The following WIPF1 variants were observed in gnomAD, a reference collection of about 807,000 sequenced individuals.
WIPF1 encodes the protein WAS/WASL-interacting protein family member 1.
WIPF1 carries 13 observed loss-of-function variants against 35.4 expected under a neutral mutation model. The ratio of observed to expected loss-of-function variants is 0.37; its 90% CI spans 0.24 to 0.58. WIPF1 has a LOEUF of 0.58. Among genes scored for constraint, WIPF1 ranks in the 20% least tolerant of loss-of-function variants. The pLI, the probability that WIPF1 is intolerant of heterozygous loss-of-function variation, is 0.74. For missense variants in WIPF1, 591 were observed against 667.0 expected (o/e 0.89, Z 1.25); for synonymous variants, 267 against 266.3 (o/e 1.00, Z -0.02).
At chr2:174,668,491 G>C (rs1331707414) in intron 1 of WIPF1, among the ~76,000 whole-genome samples, 1 of 152,144 alleles carries the variant, frequency 6.6e-6, no homozygotes, top group Non-Finnish European at 1.5e-5. Flanking sequence ...TCTTGATAAT[G>C]TGACACTAGT....
At chr2:174,679,370 A>C (rs1688204422) in intron 1 of WIPF1, among the ~76,000 whole-genome samples, 1 of 152,016 alleles carries the variant, frequency 6.6e-6, no homozygotes, top group African/African-American at 2.4e-5. Context: ...TGGGAGGCTG[A>C]GGCAGAAGAA....
chr2:174,627,416 T>G (rs1686875195), intron 1 of WIPF1, among the ~76,000 whole-genome samples: 1 of 151,742 alleles, frequency 6.6e-6, no homozygotes, highest in South Asian at 2.1e-4. Flanking sequence ...TTTCTTTTCT[T>G]CTTTCCTTCT....
chr2:174,644,712 G>A (rs1461433283), intron 1 of WIPF1, among the ~76,000 whole-genome samples: 3 of 152,126 alleles, frequency 2.0e-5, no homozygotes, highest in Non-Finnish European at 4.4e-5. Flanking sequence ...GTGATGTCAC[G>A]AAAAATGTAA....
intron 1 of WIPF1, among the ~76,000 whole-genome samples, chr2:174,589,703 C>G (rs977085080): frequency 1.3e-5 from 2 of 152,080 alleles, no homozygotes; most frequent in African/African-American, 2.4e-5. Context: ...TGAATGCAGG[C>G]CACAAACCAT....
At chr2:174,652,641 T>C (rs1380173896) in intron 1 of WIPF1, among the ~76,000 whole-genome samples, 2 of 152,162 alleles carry the variant, frequency 1.3e-5, no homozygotes, top group Non-Finnish European at 2.9e-5. Flanking sequence ...TTTAAATTTA[T>C]AGAGCTAACC....
chr2:174,575,273 G>T lies in WIPF1; in HGVS notation c.289C>A (p.Pro97Thr). 1 of 1,613,860 alleles carries T rather than the reference G, an allele frequency of 6.2e-7. No homozygotes were observed. Among genetic ancestry groups the T allele is most frequent in the South Asian group, 1.1e-5 (1 of 91,042 alleles). ...GGGGSFGGGG[P>T]PGLGGLFQAG... is the part of the protein sequence containing the mutation. Reference sequence around the variant, plus strand: ...TGGAACAATCCTCCCAGACCTGGAGGTCCGCCCCCTCCAAAACTTCCACCG... The same window carrying T: ...TGGAACAATCCTCCCAGACCTGGAGTTCCGCCCCCTCCAAAACTTCCACCG... The change falls in exon 4 of 8, where the codon CCT (proline) becomes ACT (threonine). Residue 97 changes from proline to threonine, a missense_variant. Pro to Thr is a conservative substitution (Grantham distance 38, BLOSUM62 -1). This residue lies in a region of WIPF1 where 471 missense variants were observed against 501.1 expected (regional missense o/e 0.94). Coordinates refer to ENST00000679041, the MANE Select transcript of WIPF1 (RefSeq NM_001375834.1).
At chr2:174,623,161 T>A (rs148178736) in intron 1 of WIPF1, among the ~76,000 whole-genome samples, 5 of 152,300 alleles carry the variant, frequency 3.3e-5, no homozygotes, top group Admixed American at 3.3e-4. Context: ...TTAAAAGATA[T>A]CTGAAATTGT....
intron 4 of WIPF1, 36 bp downstream of exon 4, chr2:174,575,168 T>C: frequency 6.3e-7 from 1 of 1,579,796 alleles, no homozygotes; most frequent in South Asian, 1.2e-5. Context: ...CTCTGCCTTG[T>C]CTTCAGTCAC....
Position 174,572,393 on chromosome 2 carries a change from C to T in WIPF1, c.412G>A (p.Ala138Thr). 1 of 1,614,140 alleles carries T rather than the reference C, an allele frequency of 6.2e-7. No individual in the cohort carries two copies. Residue 138 changes from alanine (A) to threonine (T), a missense_variant, in exon 5 of 8, where the codon GCG becomes ACG. Physicochemically the swap from Ala to Thr is moderately conservative, Grantham distance 58. Around this residue, in one of 3 missense-constraint regions of WIPF1, gnomAD observed 471 missense variants for 501.1 expected, o/e 0.94. Coordinates refer to ENST00000679041, the MANE Select transcript of WIPF1 (RefSeq NM_001375834.1). ...LLPPGGRSTS[A>T]KPFSPPSGPG... ...CCACTTGGGGGTGAAAAGGGTTTCG[C>T]AGATGTGGATCTTCCTCCCGGTGGC... is the stretch of plus-strand genomic sequence containing the variant.
At chr2:174,570,239 T>A (rs1684784671) in intron 5 of WIPF1, among the ~76,000 whole-genome samples, 1 of 152,090 alleles carries the variant, frequency 6.6e-6, no homozygotes, top group East Asian at 1.9e-4. Context: ...ATTAATGAGA[T>A]ACTGTTAAAT....
intron 5 of WIPF1, among the ~76,000 whole-genome samples, chr2:174,568,294 G>A (rs1418694799): frequency 6.6e-6 from 1 of 152,160 alleles, no homozygotes; most frequent in Admixed American, 6.5e-5. Context: ...ATAGCTAAAT[G>A]GGTGTTTTGG....
intron 1 of WIPF1, among the ~76,000 whole-genome samples, chr2:174,675,574 G>A (rs113564247): frequency 1.8e-4 from 27 of 151,942 alleles, no homozygotes; most frequent in African/African-American, 4.1e-4. Context: ...AGCTGGTCTC[G>A]ATCTCCTGGG....
At position 174,622,606 on chromosome 2, in the gene WIPF1, G is replaced by A. The variant is rs993257329; in HGVS notation, c.-38-36995C>T. Among the ~76,000 whole-genome samples the A allele has an allele frequency of 8.5e-5, 13 of 152,070 alleles. No individual in the cohort carries two copies. The South Asian group carries it at 2.1e-3, about 24-fold the overall frequency. On this transcript the variant is annotated intron_variant, in intron 1 of 8. Transcript: ENST00000272746. The surrounding 1 kb of genome is among the most constrained non-coding windows in gnomAD (Gnocchi z 5.1). ...TGGGGTGCGCCTATCCTAACTCACC[G>A]AATCCCCACTCTCCTATGAGCAGGC... is the stretch of plus-strand genomic sequence containing the variant.
intron 1 of WIPF1, among the ~76,000 whole-genome samples, chr2:174,645,645 G>T (rs753596995): frequency 6.6e-6 from 1 of 152,200 alleles, no homozygotes; most frequent in Non-Finnish European, 1.5e-5. Flanking sequence ...AAGTTCTCTT[G>T]CTGGTAGACT....
Position 174,568,091 on chromosome 2 carries a change from A to C in WIPF1, c.1130-18T>G, listed in dbSNP as rs1307224263. On this transcript the variant is annotated intron_variant, in intron 5 of 7. Coordinates refer to ENST00000679041, the MANE Select transcript of WIPF1 (RefSeq NM_001375834.1). ...GAGGGGGCCTGGAGCAAAAAAAGAC[A>C]CTTAGTGCAGAACCTTACATCCACA... 1.2e-6 allele frequency: 2 copies of C among 1,605,348 alleles called. No individual in the cohort carries two copies. The highest frequency in any genetic ancestry group is 1.7e-6 in the Non-Finnish European group (2 of 1,176,936).
rs559204876 is a variant in WIPF1, at chr2:174,670,920, G to A, written c.-39+11854C>T. 4.6e-5 allele frequency among the ~76,000 whole-genome samples: 7 copies of A among 152,308 alleles called. No homozygotes were observed. The South Asian group carries it at 6.2e-4, about 14-fold the overall frequency. ...TACAAAGTATTCATTAGTTAGCGAC[G>A]ACCTCTGCCTTCTATGAAGCTACAA... On this transcript the variant is annotated intron_variant, in intron 1 of 8. Coordinates refer to the WIPF1 transcript ENST00000272746.
At chr2:174,582,880 T>A (rs1367159893) in intron 2 of WIPF1, among the ~76,000 whole-genome samples, 1 of 152,272 alleles carries the variant, frequency 6.6e-6, no homozygotes, top group Admixed American at 6.5e-5. Flanking sequence ...TAACATATAC[T>A]CTGTGCCAGG....
At chr2:174,573,479 C>A in intron 4 of WIPF1, among the ~76,000 whole-genome samples, 1 of 152,114 alleles carries the variant, frequency 6.6e-6, no homozygotes, top group Middle Eastern at 3.2e-3. Context: ...ATTATATGTA[C>A]TAAAAAGACA....
Position 174,565,881 on chromosome 2 carries a change from T to A in WIPF1, c.1456+1189A>T, listed in dbSNP as rs185142268. Among the ~76,000 whole-genome samples, 44 of 144,934 alleles carry A rather than the reference T, an allele frequency of 3.0e-4. No individual in the cohort carries two copies. The East Asian group carries it at 3.1e-3, about 10-fold the overall frequency. ...AATTCTTTCTTCGTTGTATACATTTTTTTTTATTTTTATTTTTTTTGAGAT... is the reference window on the plus strand; with the variant it reads ...AATTCTTTCTTCGTTGTATACATTTATTTTTATTTTTATTTTTTTTGAGAT... On this transcript the variant is annotated intron_variant, in intron 7 of 7. Transcript: ENST00000679041.
Sources: gnomAD v4.1 joint callset for allele counts (sites outside exome capture counted in the v4.1 genomes callset) on GRCh38, gnomAD v4.1.1 for gene constraint, gnomAD v4.1.1 regional missense constraint, Gnocchi (gnomAD v3.1) non-coding constraint, MANE v1.5 for transcripts, NCBI Gene and HGNC (gene_info 2026-07-23, HGNC 2026-07-21) for gene names.